Variants in ADGRL2 observed in about 807,000 individuals in gnomAD.
ADGRL2 encodes the protein calcium-independent alpha-latrotoxin receptor 2.
In ADGRL2, 44 loss-of-function variants were observed where a neutral mutation model predicts 157.4. The observed-to-expected ratio is 0.28, with a 90% CI of 0.22 to 0.36. ADGRL2 has a LOEUF of 0.36. Among genes scored for constraint, ADGRL2 ranks in the 10% least tolerant of loss-of-function variants. The pLI, the probability that ADGRL2 is intolerant of heterozygous loss-of-function variation, is 1.00. For synonymous variants in ADGRL2, 585 were observed against 624.7 expected (o/e 0.94, Z 0.95); for missense variants, 1,510 against 1,768.9 (o/e 0.85, Z 2.63).
At chr1:81,658,238 G>A (rs1278179568) in intron 3 of ADGRL2, among the ~76,000 whole-genome samples, 1 of 152,064 alleles carries the variant, frequency 6.6e-6, no homozygotes, top group Non-Finnish European at 1.5e-5. Flanking sequence ...TGGGATTATA[G>A]GCACGTGCCA....
At chr1:81,524,093 G>T (rs1295792170) in intron 2 of ADGRL2, among the ~76,000 whole-genome samples, 1 of 151,952 alleles carries the variant, frequency 6.6e-6, no homozygotes, top group Non-Finnish European at 1.5e-5. Flanking sequence ...AGGCGCAGTG[G>T]CTCACGCCTG....
chr1:81,618,862 T>A (rs1437101080), intron 3 of ADGRL2, among the ~76,000 whole-genome samples: 1 of 151,410 alleles, frequency 6.6e-6, no homozygotes, highest in Non-Finnish European at 1.5e-5. Context: ...TTTTTTTTTT[T>A]CTTTTTTCAC....
chr1:81,605,511 A>G lies in ADGRL2; in HGVS notation c.-143+24531A>G, dbSNP rs191110258. ...TTAAACTAAGCCCCCACATAATAAT[A>G]TAAGTTGAGACCCTTCTTCATCACA... On this transcript the variant is annotated intron_variant, in intron 3 of 24. Transcript: ENST00000370721. Among the ~76,000 whole-genome samples, 415 of 152,274 alleles carry G rather than the reference A, an allele frequency of 2.7e-3. 1 individual carries two copies. Among genetic ancestry groups the G allele is most frequent in the Non-Finnish European group, 3.4e-3 (230 of 68,022 alleles).
At chr1:81,355,665 GC>G (rs1374332785) in intron 1 of ADGRL2, among the ~76,000 whole-genome samples, 3 of 151,330 alleles carry the variant, frequency 2.0e-5, no homozygotes, top group African/African-American at 7.2e-5. Context: ...TACTACAGAG[GC>G]CAACATGCAG....
intron 3 of ADGRL2, chr1:81,596,558 G>A (rs966582365): frequency 4.2e-4 from 129 of 304,988 alleles, no homozygotes; most frequent in African/African-American, 2.6e-3. Flanking sequence ...AGCGAACAGC[G>A]GTGAGTCAGG....
chr1:81,976,154 A>T (rs1213975706), intron 17 of ADGRL2, among the ~76,000 whole-genome samples: 1 of 152,030 alleles, frequency 6.6e-6, no homozygotes, highest in East Asian at 1.9e-4. Context: ...TGATATAAAA[A>T]TTTTTGTATT....
At chr1:81,326,052 A>G (rs112949782) in intron 1 of ADGRL2, among the ~76,000 whole-genome samples, 2 of 152,220 alleles carry the variant, frequency 1.3e-5, no homozygotes, top group South Asian at 2.1e-4. Flanking sequence ...AGTGTGGACT[A>G]TATAAATATA....
At chr1:81,332,800 T>C (rs1294059226) in intron 1 of ADGRL2, among the ~76,000 whole-genome samples, 1 of 152,236 alleles carries the variant, frequency 6.6e-6, no homozygotes, top group African/African-American at 2.4e-5. Flanking sequence ...GAGAGGGATG[T>C]AGAACTTCAT....
upstream of ADGRL2, among the ~76,000 whole-genome samples, chr1:81,695,162 G>A (rs2083417376): frequency 6.6e-6 from 1 of 151,990 alleles, no homozygotes; most frequent in African/African-American, 2.4e-5. Flanking sequence ...TCTCTCACAA[G>A]TGGGGACTCG....
chr1:81,871,641 A>G (rs978150778), intron 2 of ADGRL2, among the ~76,000 whole-genome samples: 8 of 152,074 alleles, frequency 5.3e-5, no homozygotes, highest in African/African-American at 1.7e-4. Flanking sequence ...GTGGTATGAG[A>G]TGATATCTCA....
At chr1:81,577,319 C>T (rs750106281) in intron 2 of ADGRL2, among the ~76,000 whole-genome samples, 1 of 152,168 alleles carries the variant, frequency 6.6e-6, no homozygotes, top group Non-Finnish European at 1.5e-5. Flanking sequence ...GCTTTCATCC[C>T]CTTCTACTCT....
rs570542128 is a variant in ADGRL2, at chr1:81,566,154, G to T, written c.-247-14722G>T. ...GTTTTCATACAGAGAGTTATAAGAA[G>T]AAGGAAATTCCAGGGTGTTCTATAA... On this transcript the variant is annotated intron_variant, in intron 2 of 24. Coordinates refer to the ADGRL2 transcript ENST00000370721. Among the ~76,000 whole-genome samples the T allele has an allele frequency of 7.9e-5, 12 of 152,256 alleles. No individual in the cohort carries two copies. The South Asian group carries it at 2.1e-3, about 26-fold the overall frequency.
At chr1:81,963,225 G>T (rs1242508986) in intron 11 of ADGRL2, among the ~76,000 whole-genome samples, 4 of 151,608 alleles carry the variant, frequency 2.6e-5, no homozygotes, top group African/African-American at 9.7e-5. Flanking sequence ...ATTGTTTGTT[G>T]TGTGGTGTAT....
chr1:81,455,276 G>A (rs918315639), intron 2 of ADGRL2, among the ~76,000 whole-genome samples: 5 of 152,124 alleles, frequency 3.3e-5, no homozygotes, highest in African/African-American at 1.2e-4. Context: ...AGAAGCCTGT[G>A]GGCAGAACGT....
intron 2 of ADGRL2, among the ~76,000 whole-genome samples, chr1:81,862,172 TGTTA>T (rs1365039488): frequency 6.6e-6 from 1 of 152,112 alleles, no homozygotes; most frequent in Non-Finnish European, 1.5e-5. Context: ...ACACTTAATA[TGTTA>T]GTTATTAAGG....
At chr1:81,802,111 G>C (rs1178668509) in intron 1 of ADGRL2, among the ~76,000 whole-genome samples, 5 of 150,114 alleles carry the variant, frequency 3.3e-5, no homozygotes, top group Admixed American at 2.0e-4. Flanking sequence ...CGGCGGCCGA[G>C]GACCCGCTCG....
Position 81,943,557 on chromosome 1 carries a change from A to G in ADGRL2, c.998A>G (p.Gln333Arg). 3 of 1,613,768 alleles carry G rather than the reference A, an allele frequency of 1.9e-6. No individual in the cohort carries two copies. Among genetic ancestry groups the G allele is most frequent in the Non-Finnish European group, 2.5e-6 (3 of 1,179,734 alleles). The change falls in exon 6 of 24, where the codon CAA (glutamine) becomes CGA (arginine). Residue 333 changes from glutamine (Q) to arginine (R), a missense_variant. By Grantham distance (43) the Gln-to-Arg change is conservative. Coordinates refer to ENST00000686636, the MANE Select transcript of ADGRL2 (RefSeq NM_001366006.2). This position sits in a 1 kb window ranked among gnomAD's most constrained non-coding sequence, Gnocchi z 5.6. ...CTCTATGTGGTTAGGTCAGTTTATC[A>G]AGACAATGAAAGTGAAACAGGCAAG... Reference protein sequence around the residue: ...GVLYVVRSVYQDNESETGKNS... With the variant: ...GVLYVVRSVYRDNESETGKNS...
intron 3 of ADGRL2, among the ~76,000 whole-genome samples, chr1:81,610,944 T>C (rs529126539): frequency 8.3e-4 from 126 of 152,288 alleles, no homozygotes; most frequent in African/African-American, 2.7e-3. Context: ...GTGAATAGGG[T>C]ATTAATATCA....
At chr1:81,849,307 C>T (rs180850670) in intron 2 of ADGRL2, among the ~76,000 whole-genome samples, 1 of 151,898 alleles carries the variant, frequency 6.6e-6, no homozygotes, top group Admixed American at 6.6e-5. Flanking sequence ...ATACTAAATA[C>T]AGCCTAGAAG....
Sources: allele counts gnomAD v4.1 joint callset (sites outside exome capture counted in the v4.1 genomes callset), GRCh38; gene constraint gnomAD v4.1.1; non-coding constraint Gnocchi (gnomAD v3.1); transcripts MANE v1.5; gene names NCBI Gene and HGNC (gene_info 2026-07-23, HGNC 2026-07-21).